AGAP1: variants seen among roughly 807,000 people sequenced by gnomAD.
AGAP1 encodes arf-GAP with GTPase, ANK repeat and PH domain-containing protein 1.
A neutral mutation model predicts 105.3 loss-of-function variants in AGAP1; 29 were observed. The observed-to-expected ratio is 0.28, with a 90% CI of 0.21 to 0.38. The LOEUF is 0.38. AGAP1 is among the 10% of genes least tolerant of loss of function. The probability of loss-of-function intolerance (pLI) is 1.00; values close to 1 mark genes in which losing one functional copy is unlikely to be tolerated. For synonymous variants in AGAP1, 509 were observed against 485.9 expected (o/e 1.05, Z -0.63); for missense variants, 998 against 1,165.1 (o/e 0.86, Z 2.09).
chr2:235,877,349 A>C lies in AGAP1; in HGVS notation c.1051-5996A>C, dbSNP rs373427614. 9.8e-5 allele frequency among the ~76,000 whole-genome samples: 15 copies of C among 152,308 alleles called. No homozygotes were observed. The East Asian group carries it at 2.7e-3, about 27-fold the overall frequency. On this transcript the variant is annotated intron_variant, in intron 9 of 17. Transcript: ENST00000304032. The surrounding 1 kb of genome is among the most constrained non-coding windows in gnomAD (Gnocchi z 4.3). ...TGTGCATTTAATGTTAAGGATGATG[A>C]TGTTTTGCTGAAACAAAATGACGGC...
Position 235,874,962 on chromosome 2 carries a change from G to A in AGAP1, c.1051-8383G>A, listed in dbSNP as rs543619374. On this transcript the variant is annotated intron_variant, in intron 9 of 17. Transcript: ENST00000304032. This position sits in a 1 kb window ranked among gnomAD's most constrained non-coding sequence, Gnocchi z 4.5. ...TAGATAGGCAGTAACCTCTTGTGAA[G>A]CGGAAGCAAACTAGAAACAGCTCTC... 6.6e-6 allele frequency among the ~76,000 whole-genome samples: 1 copy of A among 152,284 alleles called. No homozygotes were observed. The highest frequency in any genetic ancestry group is 2.1e-4 in the South Asian group (1 of 4,824).
chr2:236,118,882 A>G (rs149201126), intron 16 of AGAP1, among the ~76,000 whole-genome samples: 32 of 151,794 alleles, frequency 2.1e-4, no homozygotes, highest in Middle Eastern at 3.4e-3. Context: ...AGTTTTCAGT[A>G]TCTGTCACGC....
intron 11 of AGAP1, among the ~76,000 whole-genome samples, chr2:235,923,185 G>A (rs747976011): frequency 1.2e-4 from 19 of 152,130 alleles, no homozygotes; most frequent in African/African-American, 1.7e-4. Flanking sequence ...TTTGGGGGAC[G>A]ATGCCGAAAA....
Position 236,120,743 on chromosome 2 carries a change from G to C in AGAP1, c.2370+296G>C, listed in dbSNP as rs889496598. Among the ~76,000 whole-genome samples, 14 of 152,164 alleles carry C rather than the reference G, an allele frequency of 9.2e-5. No homozygotes were observed. The highest frequency in any genetic ancestry group is 7.3e-5 in the Non-Finnish European group (5 of 68,028). On this transcript the variant is annotated intron_variant, in intron 17 of 17. Coordinates refer to ENST00000304032, the MANE Select transcript of AGAP1 (RefSeq NM_001037131.3). This position sits in a 1 kb window ranked among gnomAD's most constrained non-coding sequence, Gnocchi z 6.0. ...TCCATCATCTTCTGGAGAGAAGGCG[G>C]TGTATTAACGGGATGGCTTGTAGGG...
At position 236,038,548 on chromosome 2, in the gene AGAP1, C is replaced by T. The variant is rs894078645; in HGVS notation, c.1800+1833C>T. On this transcript the variant is annotated intron_variant, in intron 14 of 17. Transcript: ENST00000304032. This position sits in a 1 kb window ranked among gnomAD's most constrained non-coding sequence, Gnocchi z 4.5. ...GGGAATTGCTCCCTTGGGAGGAGGACGCGTTGAGCAACCAAAGGTGGCCGA... is the reference window on the plus strand; with the variant it reads ...GGGAATTGCTCCCTTGGGAGGAGGATGCGTTGAGCAACCAAAGGTGGCCGA... Among the ~76,000 whole-genome samples, 10 of 152,096 alleles carry T rather than the reference C, an allele frequency of 6.6e-5. No homozygotes were observed. The highest frequency in any genetic ancestry group is 1.3e-4 in the Admixed American group (2 of 15,268).
rs548533711 is a variant in AGAP1 at position 235,747,921 on chromosome 2, G to A, written c.539-2433G>A. Among the ~76,000 whole-genome samples the A allele has an allele frequency of 3.9e-5, 6 of 152,350 alleles. No individual in the cohort carries two copies. In the South Asian group the frequency reaches 6.2e-4, roughly 16 times the overall value. On this transcript the variant is annotated intron_variant, in intron 5 of 17. Transcript: ENST00000304032. This position sits in a 1 kb window ranked among gnomAD's most constrained non-coding sequence, Gnocchi z 5.0. ...TCATTGCCAAAGGATTCCTGGGCTG[G>A]GGTGAGGCCTCCGCCCGCTGGCGGG...
Position 235,883,521 on chromosome 2 carries a change from C to G in AGAP1, c.1155+72C>G, listed in dbSNP as rs987422722. The stretch of plus-strand genomic sequence containing the variant: ...AAACACTGTGGGGAAGGGGAACCTA[C>G]CAGCAGCCCAGCCTCTTGTCTCTGT... On this transcript the variant is annotated intron_variant, in intron 10 of 17. Coordinates refer to ENST00000304032, the MANE Select transcript of AGAP1 (RefSeq NM_001037131.3). The surrounding 1 kb of genome is among the most constrained non-coding windows in gnomAD (Gnocchi z 4.5). The G allele has an allele frequency of 1.7e-6, 2 of 1,209,642 alleles. No individual in the cohort carries two copies. Among genetic ancestry groups the G allele is most frequent in the African/African-American group, 3.0e-5 (2 of 65,854 alleles). 74.9% of individuals were successfully genotyped at this position (1,209,642 alleles called of 1,614,324 possible).
rs2054167438 is a variant in AGAP1, at chr2:235,961,138, A to G, written c.1484-7324A>G. Among the ~76,000 whole-genome samples, 1 of 152,356 alleles carries G rather than the reference A, an allele frequency of 6.6e-6. No homozygotes were observed. Among genetic ancestry groups the G allele is most frequent in the Admixed American group, 6.5e-5 (1 of 15,310 alleles). Reference sequence around the variant, plus strand: ...CCTGAAGCTCGAGCGCTCATAGGGAAGATGTTCCGTAAACAAAGAAACACG... The same window carrying G: ...CCTGAAGCTCGAGCGCTCATAGGGAGGATGTTCCGTAAACAAAGAAACACG... On this transcript the variant is annotated intron_variant, in intron 12 of 17. Coordinates refer to ENST00000304032, the MANE Select transcript of AGAP1 (RefSeq NM_001037131.3). The surrounding 1 kb of genome is among the most constrained non-coding windows in gnomAD (Gnocchi z 5.9).
In AGAP1 at chr2:235,586,163, G is replaced by A. The variant is rs1008331657; in HGVS notation, c.163+91314G>A. On this transcript the variant is annotated intron_variant, in intron 1 of 17. Transcript: ENST00000304032. The surrounding 1 kb of genome is among the most constrained non-coding windows in gnomAD (Gnocchi z 4.2). ...AGGATTTAGGTCGGCCATTGTCTCC[G>A]TGTAAGTCAACACTACCTTGTGTGT... 1.3e-5 allele frequency among the ~76,000 whole-genome samples: 2 copies of A among 152,136 alleles called. No homozygotes were observed. Among genetic ancestry groups the A allele is most frequent in the South Asian group, 2.1e-4 (1 of 4,822 alleles).
chr2:235,979,421 A>G lies in AGAP1; in HGVS notation c.1645+10798A>G, dbSNP rs2054995676. Among the ~76,000 whole-genome samples, 1 of 152,184 alleles carries G rather than the reference A, an allele frequency of 6.6e-6. No individual in the cohort carries two copies. The highest frequency in any genetic ancestry group is 6.5e-5 in the Admixed American group (1 of 15,280). ...CTGGCTGCGGGGTCCGATCATAGTT[A>G]CTGACTCGCGCTCATTTTATCAAGA... On this transcript the variant is annotated intron_variant, in intron 13 of 17. Transcript: ENST00000304032. The surrounding 1 kb of genome is among the most constrained non-coding windows in gnomAD (Gnocchi z 4.5).
At position 235,677,906 on chromosome 2, in the gene AGAP1, C is replaced by CAAA. The variant is rs61111847; in HGVS notation, c.164-31224_164-31222dup. Among the ~76,000 whole-genome samples the CAAA allele has an allele frequency of 2.1e-4, 13 of 62,994 alleles. 3 individuals carry two copies. The highest frequency in any genetic ancestry group is 3.5e-4 in the Non-Finnish European group (11 of 31,054). The allele number at this position is 62,994 out of a possible 152,430, so 41.3% of individuals were successfully genotyped here. A position where few individuals can be genotyped will look rare whatever the true frequency, so the allele number is the denominator to read the frequency against. On this transcript the variant is annotated intron_variant, in intron 1 of 17. Coordinates refer to ENST00000304032, the MANE Select transcript of AGAP1 (RefSeq NM_001037131.3). Reference sequence around the variant, plus strand: ...CTTTCTGCCCCCATTAGCTCTTTACCAAAAAAAAAAAAAAAAAAAAAAAAA... The same window carrying CAAA: ...CTTTCTGCCCCCATTAGCTCTTTACCAAAAAAAAAAAAAAAAAAAAAAAAAAAA...
chr2:235,844,675 C>T (rs1000655785), intron 9 of AGAP1, among the ~76,000 whole-genome samples: 18 of 152,308 alleles, frequency 1.2e-4, no homozygotes, highest in Admixed American at 4.6e-4. Context: ...GTCTCATCCA[C>T]TCCCAACACC....
At chr2:235,966,653 A>G (rs2125335486) in intron 12 of AGAP1, among the ~76,000 whole-genome samples, 1 of 152,214 alleles carries the variant, frequency 6.6e-6, no homozygotes, top group East Asian at 1.9e-4. Flanking sequence ...AGGAGTGCAC[A>G]TGGTTGACAC....
chr2:236,084,230 G>T (rs542642097), intron 16 of AGAP1, among the ~76,000 whole-genome samples: 1 of 150,970 alleles, frequency 6.6e-6, no homozygotes, highest in Admixed American at 6.6e-5. Context: ...GGGCGGGGGG[G>T]GGTCTCTGCG....
At chr2:235,746,419 A>G (rs1359645549) in intron 5 of AGAP1, among the ~76,000 whole-genome samples, 5 of 71,258 alleles carry the variant, frequency 7.0e-5, no homozygotes, top group African/African-American at 2.8e-4. Flanking sequence ...TTTAAAGCGT[A>G]CGTGGTCGCT....
rs1240748718 is a variant in AGAP1 at position 235,936,993 on chromosome 2, GT to G, written c.1483+6073del. 6.6e-6 allele frequency among the ~76,000 whole-genome samples: 1 copy of G among 151,530 alleles called. No homozygotes were observed. Among genetic ancestry groups the G allele is most frequent in the Non-Finnish European group, 1.5e-5 (1 of 67,952 alleles). ...ACTAAAACATTGTATCATAAAAATT[GT>G]TTGTCTTTTGATAGCGCTTGCTTTT... On this transcript the variant is annotated intron_variant, in intron 12 of 17. Coordinates refer to ENST00000304032, the MANE Select transcript of AGAP1 (RefSeq NM_001037131.3). This position sits in a 1 kb window ranked among gnomAD's most constrained non-coding sequence, Gnocchi z 4.7.
At position 235,550,458 on chromosome 2, in the gene AGAP1, C is replaced by G. The variant is rs1157803628; in HGVS notation, c.163+55609C>G. ...GTCCTGGTCCCAGCTCTGCCTTCCT[C>G]TCCTCAAATGCCATTCACAGCAGTG... On this transcript the variant is annotated intron_variant, in intron 1 of 17. Coordinates refer to ENST00000304032, the MANE Select transcript of AGAP1 (RefSeq NM_001037131.3). The surrounding 1 kb of genome is among the most constrained non-coding windows in gnomAD (Gnocchi z 4.6). 2.6e-5 allele frequency among the ~76,000 whole-genome samples: 4 copies of G among 152,234 alleles called. No individual in the cohort carries two copies. In the East Asian group the frequency reaches 7.7e-4, roughly 29 times the overall value.
chr2:235,593,086 A>G (rs1945405552), intron 1 of AGAP1, among the ~76,000 whole-genome samples: 1 of 152,028 alleles, frequency 6.6e-6, no homozygotes, highest in Non-Finnish European at 1.5e-5. Flanking sequence ...AGTGAGGGAG[A>G]GGGGAGAGGG....
intron 5 of AGAP1, among the ~76,000 whole-genome samples, chr2:235,745,550 C>T (rs76347418): frequency 4.6e-5 from 7 of 152,202 alleles, no homozygotes; most frequent in Non-Finnish European, 2.9e-5. Context: ...GTTAGCTTTA[C>T]AACTGCTTTG....
Sources: gnomAD v4.1 joint callset for allele counts (sites outside exome capture counted in the v4.1 genomes callset) on GRCh38, gnomAD v4.1.1 for gene constraint, Gnocchi (gnomAD v3.1) non-coding constraint, MANE v1.5 for transcripts, NCBI Gene and HGNC (gene_info 2026-07-23, HGNC 2026-07-21) for gene names.